STX11: variants seen among roughly 807,000 people sequenced by gnomAD.
STX11 encodes the protein syntaxin 11, also known as syntaxin-11.
A neutral mutation model predicts 19.9 loss-of-function variants in STX11; 21 were observed. That is an observed-to-expected ratio of 1.06 (90% CI 0.75 to 1.52). STX11 has a LOEUF of 1.52. Ranked by LOEUF, STX11 falls within the 40% of genes most tolerant of loss-of-function variation. The pLI is 0.00. For synonymous variants in STX11, 193 were observed against 174.4 expected (o/e 1.11, Z -0.84); for missense variants, 438 against 405.9 (o/e 1.08, Z -0.68).
At chr6:144,141,137 T>C in the STX11 span, among the ~76,000 whole-genome samples, 327 of 152,380 alleles carry the variant, frequency 2.1e-3, 2 homozygotes, top group African/African-American at 7.3e-3. Flanking sequence ...CAACTTGTTA[T>C]GCAAAAATCA....
chr6:144,181,379 G>C (rs1176336145), intron 1 of STX11, among the ~76,000 whole-genome samples: 4 of 152,052 alleles, frequency 2.6e-5, no homozygotes, highest in Non-Finnish European at 4.4e-5. Flanking sequence ...TGGATCACCT[G>C]AGATCAAGAG....
chr6:144,144,060 C>A, the STX11 span, among the ~76,000 whole-genome samples: 8 of 152,286 alleles, frequency 5.3e-5, no homozygotes, highest in Admixed American at 5.2e-4. Context: ...TGTATCAGGG[C>A]CTTCAACTCA....
Position 144,167,144 on chromosome 6 carries a change from T to C in STX11, c.-6+16441T>C, listed in dbSNP as rs1464001531. On this transcript the variant is annotated intron_variant, in intron 1 of 1. Transcript: ENST00000367568. The surrounding 1 kb of genome is among the most constrained non-coding windows in gnomAD (Gnocchi z 5.0). ...GTATAGAAAAGAATCTGGAAGAATA[T>C]GTATTATATTTTATCATTGGTTATT... is the stretch of plus-strand genomic sequence containing the variant. Among the ~76,000 whole-genome samples, 3 of 152,238 alleles carry C rather than the reference T, an allele frequency of 2.0e-5. No homozygotes were observed. Among genetic ancestry groups the C allele is most frequent in the Non-Finnish European group, 4.4e-5 (3 of 68,042 alleles).
Position 144,180,987 on chromosome 6 carries a change from A to G in STX11, c.-5-5636A>G, listed in dbSNP as rs1361165147. On this transcript the variant is annotated intron_variant, in intron 1 of 1. Coordinates refer to ENST00000367568, the MANE Select transcript of STX11 (RefSeq NM_003764.4). The surrounding 1 kb of genome is among the most constrained non-coding windows in gnomAD (Gnocchi z 5.3). ...AGTCTTCAATTTTATTCATACTCCC[A>G]TGCCTGCAACAATTATAATTTTCCA... 6.6e-6 allele frequency among the ~76,000 whole-genome samples: 1 copy of G among 152,184 alleles called. No homozygotes were observed. Among genetic ancestry groups the G allele is most frequent in the Non-Finnish European group, 1.5e-5 (1 of 68,032 alleles).
chr6:144,165,841 C>T lies in STX11; in HGVS notation c.-6+15138C>T, dbSNP rs1801463749. Among the ~76,000 whole-genome samples the T allele has an allele frequency of 6.6e-6, 1 of 152,168 alleles. No homozygotes were observed. The highest frequency in any genetic ancestry group is 2.1e-4 in the South Asian group (1 of 4,830). The stretch of plus-strand genomic sequence containing the variant: ...GCTCTCATGTACATAACTTACGTAA[C>T]TTAACAATCAAAAAGTAACCTTTGT... On this transcript the variant is annotated intron_variant, in intron 1 of 1. Transcript: ENST00000367568. The surrounding 1 kb of genome is among the most constrained non-coding windows in gnomAD (Gnocchi z 5.8).
At position 144,151,228 on chromosome 6, in the gene STX11, T is replaced by C. The variant is rs1192984709; in HGVS notation, c.-6+525T>C. 5 of 985,250 alleles carry C rather than the reference T, an allele frequency of 5.1e-6. No individual in the cohort carries two copies. Among genetic ancestry groups the C allele is most frequent in the Admixed American group, 6.2e-5 (1 of 16,258 alleles). The allele number at this position is 985,250 out of a possible 1,614,324, so 61.0% of individuals were successfully genotyped here. A position where few individuals can be genotyped will look rare whatever the true frequency, so the allele number is the denominator to read the frequency against. On this transcript the variant is annotated intron_variant, in intron 1 of 1. Coordinates refer to ENST00000367568, the MANE Select transcript of STX11 (RefSeq NM_003764.4). The surrounding 1 kb of genome is among the most constrained non-coding windows in gnomAD (Gnocchi z 4.6). ...TCCCTTCGAAGCCCACGTAAGACTT[T>C]GTTTTAGAAACATGGAGAGAAGTAG...
rs1801506549 is a variant in STX11, at chr6:144,167,188, T to C, written c.-6+16485T>C. ...GGTTATTTTATAGAATTAGTATATATAGTTGTATTAGATGATGGAAAATTG... is the reference window on the plus strand; with the variant it reads ...GGTTATTTTATAGAATTAGTATATACAGTTGTATTAGATGATGGAAAATTG... On this transcript the variant is annotated intron_variant, in intron 1 of 1. Coordinates refer to ENST00000367568, the MANE Select transcript of STX11 (RefSeq NM_003764.4). The surrounding 1 kb of genome is among the most constrained non-coding windows in gnomAD (Gnocchi z 5.0). Among the ~76,000 whole-genome samples the C allele has an allele frequency of 6.6e-6, 1 of 152,246 alleles. No individual in the cohort carries two copies. Among genetic ancestry groups the C allele is most frequent in the Non-Finnish European group, 1.5e-5 (1 of 68,048 alleles).
intron 1 of STX11, among the ~76,000 whole-genome samples, chr6:144,168,480 T>C (rs1195388701): frequency 6.6e-6 from 1 of 152,230 alleles, no homozygotes; most frequent in African/African-American, 2.4e-5. Context: ...CAGCAGTCAA[T>C]GAATGAAGAA....
Position 144,160,466 on chromosome 6 carries a change from A to ATAT in STX11, c.-6+9763_-6+9764insTAT, listed in dbSNP as rs1170689928. Among the ~76,000 whole-genome samples the ATAT allele has an allele frequency of 6.6e-6, 1 of 152,234 alleles. No homozygotes were observed. The highest frequency in any genetic ancestry group is 1.5e-5 in the Non-Finnish European group (1 of 68,048). On this transcript the variant is annotated intron_variant, in intron 1 of 1. Transcript: ENST00000367568. The surrounding 1 kb of genome is among the most constrained non-coding windows in gnomAD (Gnocchi z 4.3). Reference sequence around the variant, plus strand: ...TCAATAGATAAAGGACCTTAAGTTTAATATATAAGTTAACAGGCAAATCTT... The same window carrying ATAT: ...TCAATAGATAAAGGACCTTAAGTTTATATATATATAAGTTAACAGGCAAATCTT...
chr6:144,149,222 A>T (rs1185871538), upstream of STX11, among the ~76,000 whole-genome samples: 1 of 152,178 alleles, frequency 6.6e-6, no homozygotes, highest in African/African-American at 2.4e-5. The surrounding 1 kb of genome is among the most constrained non-coding windows in gnomAD (Gnocchi z 5.1). Flanking sequence ...AGGGTACATG[A>T]TCTACATAAA....
At chr6:144,141,803 C>T in the STX11 span, among the ~76,000 whole-genome samples, 18 of 151,970 alleles carry the variant, frequency 1.2e-4, no homozygotes, top group South Asian at 6.2e-4. Flanking sequence ...CACAGCCTCC[C>T]GAGTAGCTGG....
upstream of STX11, among the ~76,000 whole-genome samples, chr6:144,146,285 C>A (rs1386692824): frequency 6.6e-6 from 1 of 152,210 alleles, no homozygotes; most frequent in African/African-American, 2.4e-5. This position sits in a 1 kb window ranked among gnomAD's most constrained non-coding sequence, Gnocchi z 4.4. Flanking sequence ...TTTATCTGAG[C>A]TTCACCCTAA....
chr6:144,159,516 CTGTGTGTGTGTG>C lies in STX11; in HGVS notation c.-6+8823_-6+8834del, dbSNP rs10532315. 6.6e-6 allele frequency among the ~76,000 whole-genome samples: 1 copy of C among 150,832 alleles called. No homozygotes were observed. Among genetic ancestry groups the C allele is most frequent in the Non-Finnish European group, 1.5e-5 (1 of 67,632 alleles). ...TGGTTGAGCTAGTTCAAAATTGACT[CTGTGTGTGTGTG>C]TGTGTGTGTCCGTCCAGTATGTGGA... On this transcript the variant is annotated intron_variant, in intron 1 of 1. Coordinates refer to ENST00000367568, the MANE Select transcript of STX11 (RefSeq NM_003764.4). This position sits in a 1 kb window ranked among gnomAD's most constrained non-coding sequence, Gnocchi z 4.3.
rs1801294189 is a variant in STX11 at position 144,160,037 on chromosome 6, C to CT, written c.-6+9335dup. ...AAAATATTATGATTTTTGAGAGACT[C>CT]TGTCGCCCAGGCTGGAATGAAATGG... On this transcript the variant is annotated intron_variant, in intron 1 of 1. Coordinates refer to ENST00000367568, the MANE Select transcript of STX11 (RefSeq NM_003764.4). The surrounding 1 kb of genome is among the most constrained non-coding windows in gnomAD (Gnocchi z 4.3). Among the ~76,000 whole-genome samples, 1 of 152,114 alleles carries CT rather than the reference C, an allele frequency of 6.6e-6. No homozygotes were observed. Among genetic ancestry groups the CT allele is most frequent in the Admixed American group, 6.5e-5 (1 of 15,280 alleles).
chr6:144,179,352 T>A (rs1801849847), intron 1 of STX11, among the ~76,000 whole-genome samples: 1 of 152,126 alleles, frequency 6.6e-6, no homozygotes, highest in South Asian at 2.1e-4. Flanking sequence ...ATCACCCTCT[T>A]AGATGTGTCA....
At chr6:144,163,612 GAGAT>G (rs1801402326) in intron 1 of STX11, among the ~76,000 whole-genome samples, 1 of 152,080 alleles carries the variant, frequency 6.6e-6, no homozygotes, top group South Asian at 2.1e-4. Context: ...CCAAGTAGCT[GAGAT>G]AACAGGCACC....
rs1448324190 is a variant in STX11 at position 144,190,217 on chromosome 6, G to C, written c.*2726G>C. ...GTTAGGAGTACAGATTCCAGATCCT[G>C]TTTCTTAGATTTAAATCTTGACTCT... On this transcript the variant is annotated 3_prime_UTR_variant, in exon 2 of 2. Coordinates refer to ENST00000367568, the MANE Select transcript of STX11 (RefSeq NM_003764.4). Among the ~76,000 whole-genome samples the C allele has an allele frequency of 6.6e-6, 1 of 152,176 alleles. No homozygotes were observed.
At chr6:144,179,670 C>T (rs1443347158) in intron 1 of STX11, among the ~76,000 whole-genome samples, 1 of 152,190 alleles carries the variant, frequency 6.6e-6, no homozygotes, top group Admixed American at 6.5e-5. Context: ...CAACCATGCT[C>T]AGCTCACCAG....
intron 1 of STX11, among the ~76,000 whole-genome samples, chr6:144,179,236 G>GC (rs1419965880): frequency 1.3e-5 from 2 of 152,126 alleles, no homozygotes; most frequent in African/African-American, 4.8e-5. Flanking sequence ...GGGGGAAACC[G>GC]CCCCCATGAT....
Sources: gnomAD v4.1 joint callset for allele counts (sites outside exome capture counted in the v4.1 genomes callset) on GRCh38, gnomAD v4.1.1 for gene constraint, Gnocchi (gnomAD v3.1) non-coding constraint, MANE v1.5 for transcripts, NCBI Gene and HGNC (gene_info 2026-07-23, HGNC 2026-07-21) for gene names.